The following SORCS3 variants were observed in gnomAD, a reference collection of about 807,000 sequenced individuals.
SORCS3 encodes sortilin related VPS10 domain containing receptor 3.
SORCS3 carries 57 observed loss-of-function variants against 146.3 expected under a neutral mutation model. That is an observed-to-expected ratio of 0.39 (90% confidence interval 0.31 to 0.49). The LOEUF is 0.49. Ranked by LOEUF, SORCS3 falls within the 20% of genes least tolerant of loss-of-function variation. The probability of loss-of-function intolerance (pLI) is 0.92; values close to 1 mark genes in which losing one functional copy is unlikely to be tolerated. For synonymous variants in SORCS3, 653 were observed against 618.5 expected (o/e 1.06, Z -0.83); for missense variants, 1,341 against 1,575.5 (o/e 0.85, Z 2.52).
chr10:105,222,187 T>G (rs1436166712), intron 19 of SORCS3, among the ~76,000 whole-genome samples: 1 of 151,484 alleles, frequency 6.6e-6, no homozygotes, highest in African/African-American at 2.4e-5. Context: ...GCCTCCCAAG[T>G]AGCTGGGATT....
intron 2 of SORCS3, among the ~76,000 whole-genome samples, chr10:104,850,374 T>C (rs1405309579): frequency 2.0e-5 from 3 of 152,182 alleles, no homozygotes; most frequent in African/African-American, 7.2e-5. Flanking sequence ...CTTGAGCTCA[T>C]GAGTTCGAGA....
chr10:105,043,117 C>G lies in SORCS3; in HGVS notation c.1017C>G (p.Asn339Lys). The G allele has an allele frequency of 6.2e-7, 1 of 1,613,716 alleles. No individual in the cohort carries two copies. Among genetic ancestry groups the G allele is most frequent in the Non-Finnish European group, 8.5e-7 (1 of 1,179,672 alleles). ...WQLMHERITPNRFYWSVAGLD... is the reference protein window; with the variant it reads ...WQLMHERITPKRFYWSVAGLD... ...TCATGCATGAACGCATCACACCCAA[C>G]AGGTTTTATTGGTAAGCCCTATCCA... The change falls in exon 5 of 27, where the codon AAC becomes AAG. Residue 339 changes from asparagine to lysine, a missense_variant. Coordinates refer to ENST00000369701, the MANE Select transcript of SORCS3 (RefSeq NM_014978.3).
intron 3 of SORCS3, among the ~76,000 whole-genome samples, chr10:104,936,859 A>G (rs1013806235): frequency 1.3e-5 from 2 of 152,224 alleles, no homozygotes; most frequent in Non-Finnish European, 2.9e-5. Context: ...TCTCTGTCCA[A>G]GGAAACATAA....
chr10:104,860,129 T>C (rs2133559971), intron 2 of SORCS3, among the ~76,000 whole-genome samples: 1 of 122,432 alleles, frequency 8.2e-6, no homozygotes, highest in East Asian at 2.4e-4. Flanking sequence ...CATATGTTTA[T>C]TGCGGCACTA....
At chr10:105,146,877 G>T (rs1476191844) in intron 8 of SORCS3, among the ~76,000 whole-genome samples, 2 of 152,072 alleles carry the variant, frequency 1.3e-5, no homozygotes, top group African/African-American at 2.4e-5. Context: ...TCTTCACTAG[G>T]TGAGAAAATT....
intron 6 of SORCS3, among the ~76,000 whole-genome samples, chr10:105,102,785 T>G: frequency 9.0e-6 from 1 of 111,104 alleles, no homozygotes; most frequent in Non-Finnish European, 2.0e-5. Flanking sequence ...TCAACCTTTT[T>G]TTTTTTTTTT....
chr10:105,163,174 G>A (rs1398204198), intron 11 of SORCS3, among the ~76,000 whole-genome samples: 1 of 152,116 alleles, frequency 6.6e-6, no homozygotes, highest in East Asian at 1.9e-4. Flanking sequence ...TTGGCTATCT[G>A]TGTGCTTCCT....
intron 8 of SORCS3, among the ~76,000 whole-genome samples, chr10:105,139,855 A>T (rs11597581): frequency 0.13 from 19,374 of 152,202 alleles, 1,632 homozygotes; most frequent in Middle Eastern, 0.19. Context: ...ACAGACGCAT[A>T]AAAGTGCACA....
intron 2 of SORCS3, among the ~76,000 whole-genome samples, chr10:104,887,177 G>A (rs2018697693): frequency 6.6e-6 from 1 of 152,204 alleles, no homozygotes; most frequent in Non-Finnish European, 1.5e-5. Context: ...TAGACACTTT[G>A]CAGTTCATAA....
intron 3 of SORCS3, among the ~76,000 whole-genome samples, chr10:104,976,262 A>T (rs573249556): frequency 6.6e-6 from 1 of 152,242 alleles, no homozygotes; most frequent in Non-Finnish European, 1.5e-5. Flanking sequence ...ACATGAATAG[A>T]CACTTCTCAA....
chr10:104,749,351 T>A (rs185575805), intron 1 of SORCS3, among the ~76,000 whole-genome samples: 1 of 152,232 alleles, frequency 6.6e-6, no homozygotes, highest in East Asian at 1.9e-4. Flanking sequence ...TTTATCACTT[T>A]GAACATGATT....
At chr10:104,956,577 A>ATGG (rs1196708206) in intron 3 of SORCS3, among the ~76,000 whole-genome samples, 6 of 151,850 alleles carry the variant, frequency 4.0e-5, no homozygotes, top group South Asian at 2.1e-4. Flanking sequence ...TCAACCCACC[A>ATGG]TGGTGGTGGT....
chr10:104,778,716 T>C (rs1017243518), intron 1 of SORCS3, among the ~76,000 whole-genome samples: 4 of 152,230 alleles, frequency 2.6e-5, no homozygotes, highest in African/African-American at 9.6e-5. Flanking sequence ...ATAATATCTT[T>C]TCTCCTTAGC....
At chr10:105,029,102 A>T (rs2055248495) in intron 4 of SORCS3, among the ~76,000 whole-genome samples, 1 of 152,208 alleles carries the variant, frequency 6.6e-6, no homozygotes, top group Admixed American at 6.5e-5. Flanking sequence ...CTGCCTCTGC[A>T]TTAGAATCAG....
chr10:104,673,630 T>G (rs2015882136), intron 1 of SORCS3, among the ~76,000 whole-genome samples: 1 of 151,940 alleles, frequency 6.6e-6, no homozygotes, highest in South Asian at 2.1e-4. Flanking sequence ...AAATTTTTTT[T>G]TGGTAGAGAC....
chr10:104,860,832 C>T (rs1038078730), intron 2 of SORCS3, among the ~76,000 whole-genome samples: 3 of 152,134 alleles, frequency 2.0e-5, no homozygotes, highest in African/African-American at 7.2e-5. Flanking sequence ...TGGATCTAAG[C>T]CCTCTGATTC....
At chr10:104,746,379 G>A (rs962297839) in intron 1 of SORCS3, among the ~76,000 whole-genome samples, 12 of 152,212 alleles carry the variant, frequency 7.9e-5, no homozygotes, top group East Asian at 7.7e-4. Flanking sequence ...CTCGTGATCC[G>A]CCCGCCTTGG....
chr10:104,766,528 C>T (rs1459285173), intron 1 of SORCS3, among the ~76,000 whole-genome samples: 1 of 152,214 alleles, frequency 6.6e-6, no homozygotes, highest in Non-Finnish European at 1.5e-5. Context: ...GTATCGCAGG[C>T]ACTGGCACAG....
chr10:104,694,573 T>C (rs2016151572), intron 1 of SORCS3, among the ~76,000 whole-genome samples: 1 of 152,078 alleles, frequency 6.6e-6, no homozygotes, highest in South Asian at 2.1e-4. Context: ...CTCAAAGTTA[T>C]CCCACTCCCT....
Sources: allele counts gnomAD v4.1 joint callset (sites outside exome capture counted in the v4.1 genomes callset), GRCh38; gene constraint gnomAD v4.1.1; transcripts MANE v1.5; gene names NCBI Gene and HGNC (gene_info 2026-07-23, HGNC 2026-07-21).